The following THUMPD2 variants were observed in gnomAD, a reference collection of about 807,000 sequenced individuals.
The protein encoded by THUMPD2 is THUMP domain 2 tRNA and snRNA guanosine methyltransferase, also known as U6 snRNA (guanine-N(2))-methyltransferase THUMPD2.
THUMPD2 carries 56 observed loss-of-function variants against 49.4 expected under a neutral mutation model. The observed-to-expected ratio is 1.13, with a 90% CI of 0.91 to 1.41. The LOEUF (loss-of-function observed/expected upper bound fraction) is 1.41. THUMPD2 is among the 40% of genes most tolerant of loss of function. The probability of loss-of-function intolerance (pLI) is 0.00; values close to 1 mark genes in which losing one functional copy is unlikely to be tolerated. For missense variants in THUMPD2, 709 were observed against 594.5 expected, an observed-to-expected ratio of 1.19 and a Z score of -2.00; for synonymous variants, 237 against 205.2, an observed-to-expected ratio of 1.15 and a Z score of -1.32.
Position 39,771,753 on chromosome 2 carries a change from T to C in THUMPD2, c.127-113A>G, listed in dbSNP as rs186537315. Reference sequence around the variant, plus strand: ...AATAAAAATAACCATTTCTGAAGTATCTACTATTTGTCAGGCTCTGTACTA... The same window carrying C: ...AATAAAAATAACCATTTCTGAAGTACCTACTATTTGTCAGGCTCTGTACTA... On this transcript the variant is annotated intron_variant, in intron 1 of 9. Transcript: ENST00000505747. 1.8e-3 allele frequency: 2,074 copies of C among 1,131,784 alleles called. 7 individuals carry two copies. Among genetic ancestry groups the C allele is most frequent in the Middle Eastern group, 0.011 (36 of 3,378 alleles). The allele number at this position is 1,131,784 out of a possible 1,614,324, so 70.1% of individuals were successfully genotyped here.
intron 6 of THUMPD2, 24 bp from the exon 7 acceptor site, chr2:39,755,984 G>A: frequency 6.2e-7 from 1 of 1,603,494 alleles, no homozygotes; most frequent in Non-Finnish European, 8.5e-7. Flanking sequence ...TATTAATTTG[G>A]TATTATTAAG....
At chr2:39,748,544 T>C (rs138591949) in intron 8 of THUMPD2, among the ~76,000 whole-genome samples, 35 of 152,108 alleles carry the variant, frequency 2.3e-4, no homozygotes, top group African/African-American at 8.4e-4. Flanking sequence ...AAAAATTAGC[T>C]GGGCGTGGTA....
chr2:39,747,994 A>G (rs527616410), intron 8 of THUMPD2, among the ~76,000 whole-genome samples: 1 of 152,360 alleles, frequency 6.6e-6, no homozygotes, highest in South Asian at 2.1e-4. Flanking sequence ...AAGAATATTT[A>G]TAGAATTTCA....
Position 39,769,959 on chromosome 2 carries a change from T to C in THUMPD2, c.423A>G (p.Glu141=). 6.3e-7 allele frequency: 1 copy of C among 1,580,316 alleles called. No individual in the cohort carries two copies. Among genetic ancestry groups the C allele is most frequent in the Non-Finnish European group, 8.5e-7 (1 of 1,170,936 alleles). Residue 141 remains glutamate, a synonymous_variant, in exon 3 of 10, where the codon GAA becomes GAG. Transcript: ENST00000505747. The part of the protein sequence containing the change: ...NQLKRKVGEN[E]IIAKKLKIEQ... The stretch of plus-strand genomic sequence containing the variant: ...CTATTTTTAATTTCTTTGCAATGAT[T>C]TCATTTTCTCCCACTTTTCTTTTTA...
At chr2:39,762,740 G>T (rs548816338) in intron 5 of THUMPD2, among the ~76,000 whole-genome samples, 5 of 150,118 alleles carry the variant, frequency 3.3e-5, no homozygotes, top group Non-Finnish European at 7.4e-5. Flanking sequence ...AACACAGTTT[G>T]CATTCTAGAT....
intron 1 of THUMPD2, among the ~76,000 whole-genome samples, chr2:39,777,853 CAG>C (rs992589289): frequency 6.6e-6 from 1 of 152,164 alleles, no homozygotes; most frequent in Non-Finnish European, 1.5e-5. Flanking sequence ...GGAGAACAAG[CAG>C]AGAGTCTTTC....
intron 1 of THUMPD2, among the ~76,000 whole-genome samples, chr2:39,774,429 C>T (rs376334889): frequency 6.6e-6 from 1 of 152,088 alleles, no homozygotes; most frequent in African/African-American, 2.4e-5. Context: ...TTCAATTAGC[C>T]TATGGTAAAA....
At chr2:39,769,126 C>G (rs895197933) in intron 3 of THUMPD2, 2 of 1,293,554 alleles carry the variant, frequency 1.5e-6, no homozygotes, top group Non-Finnish European at 2.0e-6. Context: ...AAGCACAAAG[C>G]TGAACTGAAG....
chr2:39,755,193 G>A, intron 8 of THUMPD2, 102 bp downstream of exon 8: 1 of 733,752 alleles, frequency 1.4e-6, no homozygotes, highest in Non-Finnish European at 2.1e-6. Context: ...TATATTAAAG[G>A]GTAAAACCAA....
chr2:39,755,143 G>C (rs1449598920), intron 8 of THUMPD2, 152 bp downstream of exon 8: 2 of 434,074 alleles, frequency 4.6e-6, no homozygotes, highest in East Asian at 8.6e-5. Flanking sequence ...AAATAAAAAG[G>C]TTAGACTATT....
intron 8 of THUMPD2, among the ~76,000 whole-genome samples, chr2:39,751,020 A>T (rs1017513475): frequency 1.3e-5 from 2 of 152,290 alleles, no homozygotes; most frequent in Non-Finnish European, 2.9e-5. Context: ...AAGCTTTAGC[A>T]GCAAGAACAT....
intron 1 of THUMPD2, among the ~76,000 whole-genome samples, chr2:39,775,925 T>C (rs1679036076): frequency 6.6e-6 from 1 of 152,120 alleles, no homozygotes; most frequent in Non-Finnish European, 1.5e-5. Flanking sequence ...ATGCCACCAT[T>C]AAAAAACAAA....
chr2:39,778,088 G>A (rs1679353549), intron 1 of THUMPD2, among the ~76,000 whole-genome samples: 1 of 152,100 alleles, frequency 6.6e-6, no homozygotes, highest in South Asian at 2.1e-4. Flanking sequence ...TAAATTCTCG[G>A]ACTTACCTGT....
chr2:39,766,286 A>G (rs1677506576), intron 4 of THUMPD2, 177 bp from the exon 5 acceptor site: 2 of 452,788 alleles, frequency 4.4e-6, no homozygotes, highest in South Asian at 1.0e-4. Context: ...AAGCAGAAGG[A>G]AACTAAATTT....
At chr2:39,773,675 A>T (rs565100371) in intron 1 of THUMPD2, among the ~76,000 whole-genome samples, 1 of 149,956 alleles carries the variant, frequency 6.7e-6, no homozygotes, top group East Asian at 1.9e-4. Context: ...TCCAAAAAGA[A>T]CACGACTATT....
intron 1 of THUMPD2, among the ~76,000 whole-genome samples, chr2:39,773,066 T>G (rs909252192): frequency 6.6e-6 from 1 of 152,144 alleles, no homozygotes; most frequent in Non-Finnish European, 1.5e-5. Context: ...TGTTTAGGAA[T>G]CAATATATAA....
At chr2:39,779,018 G>A (rs555610334) in intron 1 of THUMPD2, 96 bp downstream of exon 1, 2 of 1,336,104 alleles carry the variant, frequency 1.5e-6, no homozygotes, top group South Asian at 1.8e-5. Flanking sequence ...ACAGAGAGGG[G>A]CGCCAGCGAC....
intron 1 of THUMPD2, among the ~76,000 whole-genome samples, chr2:39,777,453 A>G (rs1679270028): frequency 6.6e-6 from 1 of 152,220 alleles, no homozygotes; most frequent in Admixed American, 6.5e-5. Flanking sequence ...ACTCAGAGAC[A>G]AGTCCCAATT....
chr2:39,778,773 G>A (rs1679451084), intron 1 of THUMPD2, among the ~76,000 whole-genome samples: 1 of 152,222 alleles, frequency 6.6e-6, no homozygotes, highest in African/African-American at 2.4e-5. Flanking sequence ...GATTATGTTT[G>A]CATTTAAAGA....
Sources: gnomAD v4.1 joint callset for allele counts (sites outside exome capture counted in the v4.1 genomes callset) on GRCh38, gnomAD v4.1.1 for gene constraint, MANE v1.5 for transcripts, NCBI Gene and HGNC (gene_info 2026-07-23, HGNC 2026-07-21) for gene names.